AGMO: variants seen among roughly 807,000 people sequenced by gnomAD.
AGMO encodes alkylglycerol monooxygenase, also known as glyceryl-ether monooxygenase.
A neutral mutation model predicts 60.2 loss-of-function variants in AGMO; 75 were observed. The ratio of observed to expected loss-of-function variants is 1.25; its 90% CI spans 1.03 to 1.51. The LOEUF is 1.51. AGMO is among the 40% of genes most tolerant of loss of function. The pLI, the probability that AGMO is intolerant of heterozygous loss-of-function variation, is 0.00. For synonymous variants in AGMO, 261 were observed against 177.1 expected (o/e 1.47, Z -3.76); for missense variants, 763 against 525.5 (o/e 1.45, Z -4.42).
chr7:15,405,810 T>G (rs1016445574), intron 5 of AGMO, among the ~76,000 whole-genome samples: 1 of 151,876 alleles, frequency 6.6e-6, no homozygotes, highest in Admixed American at 6.6e-5. Context: ...CAGTCTCTTT[T>G]GGGTTCTGAG....
the AGMO span, among the ~76,000 whole-genome samples, chr7:15,183,633 C>T: frequency 6.6e-6 from 1 of 152,126 alleles, no homozygotes; most frequent in Non-Finnish European, 1.5e-5. Flanking sequence ...GTTGCTTACA[C>T]TCTGTAAGTC....
intron 12 of AGMO, among the ~76,000 whole-genome samples, chr7:15,350,375 T>C (rs958282668): frequency 1.3e-5 from 2 of 152,188 alleles, no homozygotes; most frequent in African/African-American, 4.8e-5. Flanking sequence ...CATTAGGTTT[T>C]AATCTGTATC....
At chr7:15,531,406 C>CTATATATATTCTA in intron 3 of AGMO, among the ~76,000 whole-genome samples, 1 of 59,502 alleles carries the variant, frequency 1.7e-5, no homozygotes, top group Non-Finnish European at 2.8e-5. Context: ...TATATATATT[C>CTATATATATTCTA]TATATATATT....
intron 5 of AGMO, among the ~76,000 whole-genome samples, chr7:15,398,470 G>C (rs1250099956): frequency 2.0e-5 from 3 of 152,148 alleles, no homozygotes; most frequent in African/African-American, 4.8e-5. Context: ...CTGAGTGAGA[G>C]ATGATTCATC....
At chr7:15,541,976 A>T (rs1330414609) in intron 3 of AGMO, among the ~76,000 whole-genome samples, 1 of 152,136 alleles carries the variant, frequency 6.6e-6, no homozygotes, top group Non-Finnish European at 1.5e-5. Flanking sequence ...TTTTAAGATG[A>T]CATACGTATT....
At chr7:15,466,456 C>G (rs149011495) in intron 3 of AGMO, among the ~76,000 whole-genome samples, 1 of 152,256 alleles carries the variant, frequency 6.6e-6, no homozygotes, top group African/African-American at 2.4e-5. Context: ...ATTAACACAT[C>G]TAATTTTCAC....
chr7:15,302,875 T>C (rs1234352558), intron 12 of AGMO, among the ~76,000 whole-genome samples: 1 of 152,112 alleles, frequency 6.6e-6, no homozygotes, highest in Non-Finnish European at 1.5e-5. Flanking sequence ...CTGAGAGTAA[T>C]AATTTCTGCA....
chr7:15,179,198 G>A, the AGMO span, among the ~76,000 whole-genome samples: 2 of 151,860 alleles, frequency 1.3e-5, no homozygotes, highest in Non-Finnish European at 1.5e-5. Flanking sequence ...AACATCAGTC[G>A]GGAGCCATCA....
chr7:15,176,112 A>G, the AGMO span, among the ~76,000 whole-genome samples: 4 of 152,026 alleles, frequency 2.6e-5, no homozygotes, highest in African/African-American at 9.7e-5. Flanking sequence ...GTCTAAATTT[A>G]CGTTTTCCTA....
At chr7:15,418,514 G>A (rs747547780) in intron 5 of AGMO, 44 bp downstream of exon 5, 1 of 1,225,466 alleles carries the variant, frequency 8.2e-7, no homozygotes, top group Non-Finnish European at 1.2e-6. Context: ...CATTGCTTCA[G>A]GCTGTTTAGG....
At chr7:15,495,305 A>G (rs534440225) in intron 3 of AGMO, among the ~76,000 whole-genome samples, 2 of 152,248 alleles carry the variant, frequency 1.3e-5, no homozygotes, top group Admixed American at 1.3e-4. Context: ...GCAATGCCCA[A>G]TAGTTTTGGC....
At chr7:15,347,318 G>A (rs1479970168) in intron 12 of AGMO, among the ~76,000 whole-genome samples, 1 of 152,028 alleles carries the variant, frequency 6.6e-6, no homozygotes, top group African/African-American at 2.4e-5. Flanking sequence ...GCACATTTGT[G>A]AATTGTAAAT....
intron 12 of AGMO, among the ~76,000 whole-genome samples, chr7:15,302,341 C>G (rs536966150): frequency 6.6e-6 from 1 of 152,074 alleles, no homozygotes; most frequent in African/African-American, 2.4e-5. Context: ...AAAATTAGAC[C>G]ATGAACTTTC....
intron 3 of AGMO, among the ~76,000 whole-genome samples, chr7:15,446,781 T>C (rs1019966265): frequency 1.3e-5 from 2 of 152,190 alleles, no homozygotes; most frequent in Non-Finnish European, 2.9e-5. Flanking sequence ...CGTTTGTTCT[T>C]TGTAAAGAGT....
chr7:15,402,624 AATATATTAAATATAAAT>A (rs966908766), intron 5 of AGMO, among the ~76,000 whole-genome samples: 4 of 144,234 alleles, frequency 2.8e-5, no homozygotes, highest in Non-Finnish European at 6.0e-5. Flanking sequence ...ATATATATTA[AATATATTAAATATAAAT>A]ATATATTAAC....
In AGMO at chr7:15,561,997, G is replaced by T. The variant is rs1238169796; in HGVS notation, c.-152C>A. 6.1e-6 allele frequency: 4 copies of T among 660,306 alleles called. No individual in the cohort carries two copies. The African/African-American group carries it at 7.4e-5, about 12-fold the overall frequency. The allele number at this position is 660,306 out of a possible 1,614,324, so 40.9% of individuals were successfully genotyped here. A position where few individuals can be genotyped will look rare whatever the true frequency, so the allele number is the denominator to read the frequency against. On this transcript the variant is annotated 5_prime_UTR_variant, in exon 1 of 13. In the 5' UTR this introduces an upstream ATG that the reference lacks. Transcript: ENST00000342526. ...AGCTCCACTGAGAGCACACTCAACA[G>T]CCGATTCTGTGTAGAGAGACAGGAA...
intron 12 of AGMO, among the ~76,000 whole-genome samples, chr7:15,264,394 T>C (rs1422092956): frequency 6.6e-6 from 1 of 151,994 alleles, no homozygotes; most frequent in Admixed American, 6.6e-5. Context: ...CAAAATATTT[T>C]AAATTTTATT....
At position 15,531,609 on chromosome 7, in the gene AGMO, C is replaced by CTATATATATTCTA. The variant is rs1415334392; in HGVS notation, c.409+13162_409+13163insTAGAATATATATA. Among the ~76,000 whole-genome samples the CTATATATATTCTA allele has an allele frequency of 7.0e-5, 8 of 113,950 alleles. 1 individual carries two copies. Among genetic ancestry groups the CTATATATATTCTA allele is most frequent in the East Asian group, 2.4e-4 (1 of 4,236 alleles). 74.8% of individuals were successfully genotyped at this position (113,950 alleles called of 152,430 possible). Reference sequence around the variant, plus strand: ...TCTATATATATTCTATATATATATTCTATGTATATTCTATATATATATTCT... The same window carrying CTATATATATTCTA: ...TCTATATATATTCTATATATATATTCTATATATATTCTATATGTATATTCTATATATATATTCT... On this transcript the variant is annotated intron_variant, in intron 3 of 12. Transcript: ENST00000342526.
chr7:15,532,677 G>A (rs1784398922), intron 3 of AGMO, among the ~76,000 whole-genome samples: 1 of 149,776 alleles, frequency 6.7e-6, no homozygotes, highest in African/African-American at 2.4e-5. Flanking sequence ...AATAGCAAGA[G>A]AGCATCTTGT....
Sources: allele counts gnomAD v4.1 joint callset (sites outside exome capture counted in the v4.1 genomes callset), GRCh38; gene constraint gnomAD v4.1.1; transcripts MANE v1.5; gene names NCBI Gene and HGNC (gene_info 2026-07-23, HGNC 2026-07-21).